RGS17: variants seen among roughly 807,000 people sequenced by gnomAD.
RGS17 encodes the protein regulator of G-protein signaling 17.
RGS17 carries 12 observed loss-of-function variants against 25.5 expected under a neutral mutation model. The ratio of observed to expected loss-of-function variants is 0.47; its 90% CI spans 0.30 to 0.76. The LOEUF (loss-of-function observed/expected upper bound fraction) is 0.76, where lower values mean the gene tolerates loss of function less well. RGS17 is among the 30% of genes least tolerant of loss of function. The pLI, the probability that RGS17 is intolerant of heterozygous loss-of-function variation, is 0.07. For synonymous variants in RGS17, 71 were observed against 76.9 expected, an observed-to-expected ratio of 0.92 and a Z score of 0.40; for missense variants, 196 against 242.2, an observed-to-expected ratio of 0.81 and a Z score of 1.27.
chr6:153,067,081 G>C (rs1217893847), intron 1 of RGS17, among the ~76,000 whole-genome samples: 4 of 151,674 alleles, frequency 2.6e-5, no homozygotes, highest in African/African-American at 9.7e-5. Flanking sequence ...AATTGATGCT[G>C]AAAAATCATC....
In RGS17 at chr6:153,008,802, A is replaced by C. The variant is rs1303898625; in HGVS notation, c.*2772T>G. 6.6e-6 allele frequency: 1 copy of C among 152,220 alleles called. No homozygotes were observed. Among genetic ancestry groups the C allele is most frequent in the Non-Finnish European group, 1.5e-5 (1 of 68,018 alleles). The allele number at this position is 152,220 out of a possible 1,614,324, so 9.4% of individuals were successfully genotyped here. On this transcript the variant is annotated 3_prime_UTR_variant, in exon 5 of 5. Transcript: ENST00000206262. ...AATATTGTGCTCTTGGAATGGTAGC[A>C]TAGACACCAGTTGAAGGCTCTTTTG...
intron 2 of RGS17, among the ~76,000 whole-genome samples, chr6:153,036,320 T>C (rs1776238664): frequency 6.6e-6 from 1 of 152,180 alleles, no homozygotes; most frequent in South Asian, 2.1e-4. Context: ...CCCAAAGTGC[T>C]AGGATTACAG....
At chr6:153,123,002 T>TGTA (rs1472754494) in intron 1 of RGS17, among the ~76,000 whole-genome samples, 3 of 107,626 alleles carry the variant, frequency 2.8e-5, no homozygotes, top group African/African-American at 1.1e-4. Flanking sequence ...TTGGAGTACA[T>TGTA]CAGAGTACAT....
intron 1 of RGS17, among the ~76,000 whole-genome samples, chr6:153,080,277 G>A (rs1382210840): frequency 6.6e-6 from 1 of 152,186 alleles, no homozygotes; most frequent in Admixed American, 6.5e-5. Flanking sequence ...ACCATGCCCA[G>A]CCTCTGTTTC....
chr6:153,024,672 T>A (rs535319631), intron 3 of RGS17, among the ~76,000 whole-genome samples, 176 bp from the exon 4 acceptor site: 58 of 152,314 alleles, frequency 3.8e-4, no homozygotes, highest in Admixed American at 3.3e-3. Context: ...ACTACGTCAG[T>A]TATTTCAGGG....
intron 1 of RGS17, among the ~76,000 whole-genome samples, chr6:153,091,845 G>T (rs1341773090): frequency 6.6e-6 from 1 of 152,114 alleles, no homozygotes; most frequent in Non-Finnish European, 1.5e-5. Flanking sequence ...AAAAGTACTT[G>T]ACCTTAAAAC....
chr6:153,031,623 C>G (rs1779364390), intron 2 of RGS17, among the ~76,000 whole-genome samples: 1 of 152,204 alleles, frequency 6.6e-6, no homozygotes, highest in Non-Finnish European at 1.5e-5. Flanking sequence ...TTCTGACTTC[C>G]TGTCTCAGGC....
intron 1 of RGS17, among the ~76,000 whole-genome samples, chr6:153,096,449 AT>A (rs1472419830): frequency 2.6e-5 from 4 of 152,240 alleles, no homozygotes; most frequent in Admixed American, 1.3e-4. Context: ...CTCAATAAGC[AT>A]TAGTGGCTGC....
chr6:153,044,043 G>A lies in RGS17; in HGVS notation c.-25C>T. 2 of 1,490,374 alleles carry A rather than the reference G, an allele frequency of 1.3e-6. No homozygotes were observed. Among genetic ancestry groups the A allele is most frequent in the Non-Finnish European group, 1.9e-6 (2 of 1,071,724 alleles). 92.3% of individuals were successfully genotyped at this position (1,490,374 alleles called of 1,614,324 possible). On this transcript the variant is annotated splice_region_variant and 5_prime_UTR_variant, in exon 2 of 5. Transcript: ENST00000206262. The stretch of plus-strand genomic sequence containing the variant: ...TTTCAGCTACTTCAGGACCCAGTTG[G>A]CTGAAAGAGATAAAACAAAAAATTG...
intron 2 of RGS17, among the ~76,000 whole-genome samples, chr6:153,029,811 G>A (rs977058955): frequency 1.3e-5 from 2 of 152,056 alleles, no homozygotes; most frequent in African/African-American, 2.4e-5. Context: ...GGCTGGTCTT[G>A]AACTCCTGAC....
chr6:153,021,781 A>C (rs1411743440), intron 4 of RGS17, among the ~76,000 whole-genome samples: 1 of 152,178 alleles, frequency 6.6e-6, no homozygotes, highest in African/African-American at 2.4e-5. Context: ...GGGTATTAGG[A>C]AACATAAAGG....
At chr6:153,126,209 A>G (rs1396223436) in intron 1 of RGS17, among the ~76,000 whole-genome samples, 2 of 152,180 alleles carry the variant, frequency 1.3e-5, no homozygotes, top group Admixed American at 1.3e-4. Context: ...CTTTCCTTTC[A>G]ACCCCTTTAT....
intron 1 of RGS17, among the ~76,000 whole-genome samples, chr6:153,075,530 C>G (rs1187961176): frequency 1.3e-5 from 2 of 152,148 alleles, no homozygotes; most frequent in Non-Finnish European, 2.9e-5. Flanking sequence ...TGGGCTGTCA[C>G]TGGCACGGAC....
chr6:153,129,437 T>C (rs1777751945), intron 1 of RGS17, among the ~76,000 whole-genome samples: 1 of 152,250 alleles, frequency 6.6e-6, no homozygotes, highest in Non-Finnish European at 1.5e-5. Context: ...CAATGTACTT[T>C]AAATGTTTCA....
chr6:153,056,506 A>G (rs2129113497), intron 1 of RGS17, among the ~76,000 whole-genome samples: 1 of 151,810 alleles, frequency 6.6e-6, no homozygotes, highest in Non-Finnish European at 1.5e-5. Flanking sequence ...TTCACCTGTA[A>G]GAAGAGCCTC....
Position 153,005,395 on chromosome 6 carries a change from A to C in RGS17, c.*6179T>G, listed in dbSNP as rs1165219175. On this transcript the variant is annotated 3_prime_UTR_variant, in exon 5 of 5. Coordinates refer to ENST00000206262, the MANE Select transcript of RGS17 (RefSeq NM_012419.5). ...AGTGGAACCTAATATTAGTGTTTAG[A>C]ATTTGTTTAGCTCAGTGTAAATGTC... 2 of 152,140 alleles carry C rather than the reference A, an allele frequency of 1.3e-5. No homozygotes were observed. Among genetic ancestry groups the C allele is most frequent in the Non-Finnish European group, 2.9e-5 (2 of 68,026 alleles). 9.4% of individuals were successfully genotyped at this position (152,140 alleles called of 1,614,324 possible).
At chr6:153,046,212 T>G (rs7763717) in intron 1 of RGS17, among the ~76,000 whole-genome samples, 58,765 of 151,838 alleles carry the variant, frequency 0.39, 12,112 homozygotes, top group East Asian at 0.62. Context: ...AAGGGAGGGA[T>G]ATGGATACAT....
At chr6:153,067,539 A>G (rs550009135) in intron 1 of RGS17, among the ~76,000 whole-genome samples, 69 of 152,244 alleles carry the variant, frequency 4.5e-4, no homozygotes, top group African/African-American at 1.5e-3. Context: ...AAAGAAACCA[A>G]AAAAAGTAAT....
intron 4 of RGS17, among the ~76,000 whole-genome samples, chr6:153,014,874 C>T (rs1779167787): frequency 6.6e-6 from 1 of 151,702 alleles, no homozygotes; most frequent in South Asian, 2.1e-4. Context: ...CTAGGCAAAG[C>T]AAATGAAAAA....
Sources: gnomAD v4.1 joint callset for allele counts (sites outside exome capture counted in the v4.1 genomes callset) on GRCh38, gnomAD v4.1.1 for gene constraint, MANE v1.5 for transcripts, NCBI Gene and HGNC (gene_info 2026-07-23, HGNC 2026-07-21) for gene names.